Variants in PDE1C observed in about 807,000 individuals in gnomAD.
PDE1C encodes the protein dual specificity calcium/calmodulin-dependent 3',5'-cyclic nucleotide phosphodiesterase 1C.
Under a neutral mutation model 93.1 loss-of-function variants are expected in PDE1C, and 62 were observed. The ratio of observed to expected loss-of-function variants is 0.67; its 90% CI spans 0.54 to 0.82. PDE1C has a LOEUF of 0.82. Among genes scored for constraint, PDE1C ranks in the 40% least tolerant of loss-of-function variants. PDE1C has a pLI of 0.00. For missense variants in PDE1C, 742 were observed against 884.6 expected (o/e 0.84, Z 2.04); for synonymous variants, 325 against 310.1 (o/e 1.05, Z -0.50).
chr7:32,248,747 C>G (rs56405980), intron 1 of PDE1C, among the ~76,000 whole-genome samples: 15,934 of 152,258 alleles, frequency 0.1, 890 homozygotes, highest in East Asian at 0.13. Context: ...AGATGCTGCA[C>G]TATAATTCAC....
At chr7:32,115,944 C>T (rs1387235419) in intron 3 of PDE1C, among the ~76,000 whole-genome samples, 1 of 152,036 alleles carries the variant, frequency 6.6e-6, no homozygotes, top group African/African-American at 2.4e-5. Flanking sequence ...TTGTGCATGA[C>T]TAAGAGACCA....
intron 7 of PDE1C, among the ~76,000 whole-genome samples, chr7:31,860,031 GCCT>G (rs1794494633): frequency 6.6e-6 from 1 of 152,082 alleles, no homozygotes; most frequent in African/African-American, 2.4e-5. Context: ...GATTGTATAG[GCCT>G]CCCTGAGTAC....
chr7:32,382,778 T>A (rs541370882), intron 1 of PDE1C, among the ~76,000 whole-genome samples: 11 of 152,284 alleles, frequency 7.2e-5, no homozygotes, highest in Non-Finnish European at 5.9e-5. Context: ...ATTTGAAAAA[T>A]TTAGAAACGT....
intron 2 of PDE1C, among the ~76,000 whole-genome samples, chr7:32,185,692 A>G (rs1229100137): frequency 1.3e-5 from 2 of 152,006 alleles, no homozygotes; most frequent in Non-Finnish European, 2.9e-5. Context: ...TTATTTGCTT[A>G]TTTTCTTCTC....
At chr7:31,804,817 A>G (rs967935036) in intron 16 of PDE1C, among the ~76,000 whole-genome samples, 5 of 151,842 alleles carry the variant, frequency 3.3e-5, no homozygotes, top group Admixed American at 3.3e-4. Context: ...CGAGGTGGCT[A>G]TTAAGTGACA....
At chr7:31,653,911 G>A in the PDE1C span, among the ~76,000 whole-genome samples, 1 of 152,140 alleles carries the variant, frequency 6.6e-6, no homozygotes, top group Non-Finnish European at 1.5e-5. Flanking sequence ...GGCCTCAGAG[G>A]TACCAGACTG....
intron 3 of PDE1C, among the ~76,000 whole-genome samples, chr7:32,082,431 A>G (rs4422684): frequency 0.53 from 75,705 of 142,224 alleles, 15,639 homozygotes; most frequent in African/African-American, 0.62. Context: ...ACCTCTGGGG[A>G]CAGGGCACAG....
intron 1 of PDE1C, among the ~76,000 whole-genome samples, chr7:32,358,124 G>T (rs1784066672): frequency 6.6e-6 from 1 of 152,118 alleles, no homozygotes; most frequent in Non-Finnish European, 1.5e-5. Context: ...TTGGCTTTCT[G>T]TTTTCCTCCT....
At chr7:32,329,850 C>T (rs557820638) in intron 1 of PDE1C, among the ~76,000 whole-genome samples, 5 of 152,186 alleles carry the variant, frequency 3.3e-5, no homozygotes, top group Admixed American at 2.0e-4. Context: ...TCCTTTATGC[C>T]GAAAACCGGT....
At chr7:32,095,163 T>C (rs1490054925) in intron 3 of PDE1C, among the ~76,000 whole-genome samples, 4 of 152,204 alleles carry the variant, frequency 2.6e-5, no homozygotes, top group African/African-American at 9.7e-5. Flanking sequence ...GCTGAATCAT[T>C]CTATTTCATT....
chr7:32,298,021 T>C lies in PDE1C; in HGVS notation c.85+630A>G, dbSNP rs866690044. 5.7e-4 allele frequency among the ~76,000 whole-genome samples: 16 copies of C among 28,160 alleles called. 1 individual carries two copies. Among genetic ancestry groups the C allele is most frequent in the African/African-American group, 2.3e-3 (14 of 6,186 alleles). 18.5% of individuals were successfully genotyped at this position (28,160 alleles called of 152,430 possible). On this transcript the variant is annotated intron_variant, in intron 1 of 18. Coordinates refer to the PDE1C transcript ENST00000396193. ...TCCTCTCTCTCTCTCTCTCTCCCTC[T>C]CTCTCTCTCTCTCTCTCTCTCTCTC...
chr7:31,705,670 A>G, the PDE1C span, among the ~76,000 whole-genome samples: 1 of 152,334 alleles, frequency 6.6e-6, no homozygotes, highest in East Asian at 1.9e-4. Flanking sequence ...CCAGTGTGGT[A>G]GAAAGGCCTC....
At chr7:31,617,120 T>G in the PDE1C span, among the ~76,000 whole-genome samples, 2 of 152,200 alleles carry the variant, frequency 1.3e-5, no homozygotes, top group African/African-American at 2.4e-5. Context: ...CTCGTCCCGG[T>G]ATAATTTATC....
the PDE1C span, among the ~76,000 whole-genome samples, chr7:31,641,989 A>C: frequency 6.6e-6 from 1 of 152,112 alleles, no homozygotes. Flanking sequence ...CCAGTGATGC[A>C]ATTTTAACTG....
the PDE1C span, among the ~76,000 whole-genome samples, chr7:31,633,018 C>G: frequency 6.6e-6 from 1 of 152,042 alleles, no homozygotes. Context: ...TCCCGAGTAA[C>G]TGGGATTACA....
chr7:31,969,506 G>C (rs1278964251), intron 2 of PDE1C, among the ~76,000 whole-genome samples: 3 of 152,188 alleles, frequency 2.0e-5, no homozygotes, highest in Non-Finnish European at 2.9e-5. Flanking sequence ...GTGCTGGAGA[G>C]GATGTGGAGA....
At chr7:32,003,113 TTCA>T (rs756475100) in intron 2 of PDE1C, among the ~76,000 whole-genome samples, 6 of 152,296 alleles carry the variant, frequency 3.9e-5, no homozygotes, top group Non-Finnish European at 5.9e-5. Context: ...ATGAATTCAA[TTCA>T]TCAAGGAGCC....
chr7:31,656,811 C>T, the PDE1C span, among the ~76,000 whole-genome samples: 1 of 152,002 alleles, frequency 6.6e-6, no homozygotes, highest in African/African-American at 2.4e-5. Flanking sequence ...CCCCAAAGGT[C>T]TCCAAACATT....
intron 1 of PDE1C, among the ~76,000 whole-genome samples, chr7:32,297,744 G>A (rs1038226428): frequency 6.6e-5 from 10 of 152,134 alleles, no homozygotes; most frequent in Non-Finnish European, 1.2e-4. Flanking sequence ...CCAAGGGCAG[G>A]AGAGGGAAAC....
Sources: allele counts gnomAD v4.1 joint callset (sites outside exome capture counted in the v4.1 genomes callset), GRCh38; gene constraint gnomAD v4.1.1; transcripts MANE v1.5; gene names NCBI Gene and HGNC (gene_info 2026-07-23, HGNC 2026-07-21).